CMIP: variants seen among roughly 807,000 people sequenced by gnomAD.
CMIP encodes the protein C-Maf-inducing protein.
Under a neutral mutation model 97.3 loss-of-function variants are expected in CMIP, and 13 were observed. That is an observed-to-expected ratio of 0.13 (90% CI 0.09 to 0.21). The LOEUF is 0.21. Ranked by LOEUF, CMIP falls within the 10% of genes least tolerant of loss-of-function variation. CMIP has a pLI of 1.00. For missense variants in CMIP, 847 were observed against 1,024.9 expected, an observed-to-expected ratio of 0.83 and a Z score of 2.37; for synonymous variants, 538 against 436.3, an observed-to-expected ratio of 1.23 and a Z score of -2.91.
At chr16:81,554,641 C>G (rs1010572379) in intron 1 of CMIP, among the ~76,000 whole-genome samples, 1 of 152,192 alleles carries the variant, frequency 6.6e-6, no homozygotes, top group African/African-American at 2.4e-5. Context: ...TTCACTTTCT[C>G]ATTTTCTTCA....
intron 15 of CMIP, among the ~76,000 whole-genome samples, chr16:81,701,161 A>T (rs1320966938): frequency 6.6e-6 from 1 of 151,422 alleles, no homozygotes; most frequent in African/African-American, 2.4e-5. Flanking sequence ...TGTCAGAGGC[A>T]GGGCTGTCAG....
chr16:81,521,056 G>T (rs1315614049), intron 1 of CMIP, among the ~76,000 whole-genome samples: 2 of 152,246 alleles, frequency 1.3e-5, no homozygotes, highest in African/African-American at 4.8e-5. Context: ...TGCAGCCTGG[G>T]AACAGGAATG....
At chr16:81,576,333 G>T (rs2091188250) in intron 1 of CMIP, among the ~76,000 whole-genome samples, 1 of 152,130 alleles carries the variant, frequency 6.6e-6, no homozygotes, top group Non-Finnish European at 1.5e-5. Context: ...GAACCCGGGA[G>T]GCAGGGGTTG....
chr16:81,506,928 G>C (rs1238172453), intron 1 of CMIP, among the ~76,000 whole-genome samples: 33 of 149,016 alleles, frequency 2.2e-4, no homozygotes, highest in Admixed American at 2.1e-3. Flanking sequence ...AAAAGAAATG[G>C]CTCAAAGCCT....
chr16:81,609,766 G>A (rs747208251), intron 2 of CMIP, among the ~76,000 whole-genome samples: 7 of 152,200 alleles, frequency 4.6e-5, no homozygotes, highest in Non-Finnish European at 8.8e-5. Flanking sequence ...TGTGTGCAAA[G>A]CCTGAATATG....
intron 1 of CMIP, among the ~76,000 whole-genome samples, chr16:81,467,764 A>G (rs1597454041): frequency 6.6e-6 from 1 of 151,548 alleles, no homozygotes; most frequent in South Asian, 2.1e-4. Context: ...AATTTTTATT[A>G]GCAATGGGGT....
rs1282743813 is a variant in CMIP at position 81,453,273 on chromosome 16, T to C, written c.300+7732T>C. 7.9e-5 allele frequency among the ~76,000 whole-genome samples: 12 copies of C among 152,164 alleles called. No homozygotes were observed. Among genetic ancestry groups the C allele is most frequent in the Non-Finnish European group, 1.6e-4 (11 of 68,018 alleles). On this transcript the variant is annotated intron_variant, in intron 1 of 20. Coordinates refer to ENST00000537098, the MANE Select transcript of CMIP (RefSeq NM_198390.3). This position sits in a 1 kb window ranked among gnomAD's most constrained non-coding sequence, Gnocchi z 4.0. ...ACTAAACTGATTGTGCTGGGCGAAC[T>C]CTTTTTGGAGGGAAGCACGTGGTCT... is the stretch of plus-strand genomic sequence containing the variant.
chr16:81,655,405 C>T lies in CMIP; in HGVS notation c.640-2370C>T, dbSNP rs760195689. Among the ~76,000 whole-genome samples, 1 of 152,158 alleles carries T rather than the reference C, an allele frequency of 6.6e-6. No individual in the cohort carries two copies. The highest frequency in any genetic ancestry group is 1.5e-5 in the Non-Finnish European group (1 of 68,036). Reference sequence around the variant, plus strand: ...CGAGAAAGAACTGTCCGTCCACCAGCAAAGCAAAGCTGGCTGTCCCCACCC... The same window carrying T: ...CGAGAAAGAACTGTCCGTCCACCAGTAAAGCAAAGCTGGCTGTCCCCACCC... On this transcript the variant is annotated intron_variant, in intron 4 of 20. Coordinates refer to ENST00000537098, the MANE Select transcript of CMIP (RefSeq NM_198390.3). The surrounding 1 kb of genome is among the most constrained non-coding windows in gnomAD (Gnocchi z 4.9).
chr16:81,478,270 A>G (rs1908051320), intron 1 of CMIP, among the ~76,000 whole-genome samples: 2 of 152,236 alleles, frequency 1.3e-5, no homozygotes, highest in Admixed American at 1.3e-4. Context: ...GGAAGGAAGC[A>G]AGGCTTTTAC....
intron 1 of CMIP, chr16:81,520,159 G>A (rs781722827): frequency 1.3e-5 from 2 of 152,296 alleles, no homozygotes; most frequent in Admixed American, 1.3e-4. Flanking sequence ...TCAAGAAGCG[G>A]TATAGCAAAG....
chr16:81,649,013 C>G (rs2092397532), intron 3 of CMIP, among the ~76,000 whole-genome samples: 1 of 152,100 alleles, frequency 6.6e-6, no homozygotes, highest in Non-Finnish European at 1.5e-5. Flanking sequence ...CCCCACTCTC[C>G]CCACCAGTAT....
At chr16:81,521,278 G>A (rs1178887874) in intron 1 of CMIP, among the ~76,000 whole-genome samples, 8 of 152,180 alleles carry the variant, frequency 5.3e-5, no homozygotes, top group Non-Finnish European at 8.8e-5. Flanking sequence ...GGTACTGCAC[G>A]GTTGCCATGG....
chr16:81,703,590 CA>C (rs1303727272), intron 17 of CMIP, among the ~76,000 whole-genome samples: 1 of 148,182 alleles, frequency 6.7e-6, no homozygotes, highest in East Asian at 1.9e-4. Flanking sequence ...CACAGATATA[CA>C]CACATACAGG....
At chr16:81,448,333 CT>C (rs1416736150) in intron 1 of CMIP, among the ~76,000 whole-genome samples, 11 of 152,266 alleles carry the variant, frequency 7.2e-5, no homozygotes, top group African/African-American at 2.4e-4. Flanking sequence ...TTGCCCAAAC[CT>C]TTTGCAGTCT....
intron 8 of CMIP, among the ~76,000 whole-genome samples, chr16:81,670,994 A>G (rs2151041696): frequency 6.6e-6 from 1 of 152,084 alleles, no homozygotes; most frequent in African/African-American, 2.4e-5. Flanking sequence ...ACTCCTGGCT[A>G]ATTTTTGTAT....
At chr16:81,592,685 G>A (rs2091484404) in intron 1 of CMIP, among the ~76,000 whole-genome samples, 1 of 152,228 alleles carries the variant, frequency 6.6e-6, no homozygotes, top group Non-Finnish European at 1.5e-5. Flanking sequence ...CTGAGCGGCT[G>A]TGACCGAGGC....
At chr16:81,606,590 T>C (rs1417590498) in intron 1 of CMIP, among the ~76,000 whole-genome samples, 1 of 152,152 alleles carries the variant, frequency 6.6e-6, no homozygotes, top group Non-Finnish European at 1.5e-5. Flanking sequence ...ACTAATAGCG[T>C]TTCTCATTCT....
At chr16:81,511,975 C>A (rs923740640) in intron 1 of CMIP, among the ~76,000 whole-genome samples, 4 of 152,062 alleles carry the variant, frequency 2.6e-5, no homozygotes, top group African/African-American at 9.7e-5. Context: ...AAAACGCACA[C>A]TGGATTTTGA....
chr16:81,562,747 C>T (rs769169320), intron 1 of CMIP, among the ~76,000 whole-genome samples: 1 of 152,268 alleles, frequency 6.6e-6, no homozygotes, highest in South Asian at 2.1e-4. Context: ...GCTCCAAGTT[C>T]ATATCACATA....
Sources: gnomAD v4.1 joint callset for allele counts (sites outside exome capture counted in the v4.1 genomes callset) on GRCh38, gnomAD v4.1.1 for gene constraint, Gnocchi (gnomAD v3.1) non-coding constraint, MANE v1.5 for transcripts, NCBI Gene and HGNC (gene_info 2026-07-23, HGNC 2026-07-21) for gene names.